The following STXBP5L variants were observed in gnomAD, a reference collection of about 807,000 sequenced individuals.
The protein encoded by STXBP5L is syntaxin-binding protein 5-like.
A neutral mutation model predicts 144.5 loss-of-function variants in STXBP5L; 65 were observed. The ratio of observed to expected loss-of-function variants is 0.45; its 90% CI spans 0.37 to 0.55. The LOEUF (loss-of-function observed/expected upper bound fraction) is 0.55. Ranked by LOEUF, STXBP5L falls within the 20% of genes least tolerant of loss-of-function variation. The pLI, the probability that STXBP5L is intolerant of heterozygous loss-of-function variation, is 0.00. For missense variants in STXBP5L, 1,298 were observed against 1,405.5 expected, an observed-to-expected ratio of 0.92 and a Z score of 1.22; for synonymous variants, 505 against 469.6, an observed-to-expected ratio of 1.08 and a Z score of -0.97.
At chr3:121,408,931 T>C (rs2047056784) in intron 23 of STXBP5L, among the ~76,000 whole-genome samples, 1 of 151,980 alleles carries the variant, frequency 6.6e-6, no homozygotes, top group South Asian at 2.1e-4. Flanking sequence ...ATAACGGTTA[T>C]GTTATTAGCA....
At chr3:120,982,714 A>C (rs371609479) in intron 3 of STXBP5L, among the ~76,000 whole-genome samples, 2 of 152,136 alleles carry the variant, frequency 1.3e-5, no homozygotes, top group Non-Finnish European at 2.9e-5. Flanking sequence ...ACTTTTTGGC[A>C]TGTGCAAGTG....
intron 15 of STXBP5L, among the ~76,000 whole-genome samples, chr3:121,252,043 C>T (rs1331193451): frequency 1.3e-5 from 2 of 152,080 alleles, no homozygotes; most frequent in Admixed American, 6.6e-5. Flanking sequence ...TTTCCCACCA[C>T]CTCAAAGTCA....
At chr3:121,118,630 T>C (rs1280383914) in intron 6 of STXBP5L, among the ~76,000 whole-genome samples, 1 of 151,666 alleles carries the variant, frequency 6.6e-6, no homozygotes, top group Non-Finnish European at 1.5e-5. Flanking sequence ...ATCTATATTT[T>C]AGGAGTACTA....
At chr3:121,395,746 T>C (rs763952502) in intron 22 of STXBP5L, among the ~76,000 whole-genome samples, 3 of 152,204 alleles carry the variant, frequency 2.0e-5, no homozygotes, top group Non-Finnish European at 4.4e-5. Context: ...ATAGCTACCA[T>C]TAAATTACTC....
chr3:121,157,864 A>G (rs538932280), intron 9 of STXBP5L: 8 of 442,114 alleles, frequency 1.8e-5, no homozygotes, highest in African/African-American at 1.1e-4. Flanking sequence ...TACTGTCCCA[A>G]CCAAAAATTG....
chr3:121,310,695 G>T (rs2043496463), intron 19 of STXBP5L, among the ~76,000 whole-genome samples: 1 of 151,584 alleles, frequency 6.6e-6, no homozygotes, highest in African/African-American at 2.4e-5. Flanking sequence ...GACCACTGGA[G>T]GTCAGGAGTT....
At chr3:120,969,203 A>AT (rs546239807) in intron 3 of STXBP5L, among the ~76,000 whole-genome samples, 742 of 145,810 alleles carry the variant, frequency 5.1e-3, no homozygotes, top group Middle Eastern at 7.1e-3. Context: ...GCCAACATCT[A>AT]TTTTTTTTTT....
At chr3:120,925,907 C>T (rs1269286459) in intron 2 of STXBP5L, among the ~76,000 whole-genome samples, 2 of 152,140 alleles carry the variant, frequency 1.3e-5, no homozygotes, top group Non-Finnish European at 1.5e-5. Context: ...TTAGATCATA[C>T]AAAGAATAGG....
At chr3:120,969,661 T>C (rs1459508442) in intron 3 of STXBP5L, among the ~76,000 whole-genome samples, 1 of 152,060 alleles carries the variant, frequency 6.6e-6, no homozygotes, top group East Asian at 1.9e-4. Flanking sequence ...TCTTGTAGAA[T>C]TTTTATCGTT....
Position 121,121,650 on chromosome 3 carries a change from G to A in STXBP5L, c.615G>A (p.Lys205=), listed in dbSNP as rs769827608. Residue 205 remains lysine, a synonymous_variant, in exon 7 of 27, where the codon AAG becomes AAA. Coordinates refer to ENST00000471454, the MANE Select transcript of STXBP5L (RefSeq NM_001308330.2). ...MWNKAIELST[K]THPGPVVHLS... is the part of the protein sequence containing the mutation. Reference sequence around the variant, plus strand: ...TGAATTGATTTAACAGATCCACTAAGACTCATCCAGGTCCAGTTGTACATT... The same window carrying A: ...TGAATTGATTTAACAGATCCACTAAAACTCATCCAGGTCCAGTTGTACATT... The A allele has an allele frequency of 5.6e-6, 9 of 1,604,126 alleles. No individual in the cohort carries two copies. Among genetic ancestry groups the A allele is most frequent in the Non-Finnish European group, 7.7e-6 (9 of 1,172,988 alleles).
At chr3:121,047,985 C>G (rs1947641944) in intron 5 of STXBP5L, among the ~76,000 whole-genome samples, 1 of 152,068 alleles carries the variant, frequency 6.6e-6, no homozygotes, top group Non-Finnish European at 1.5e-5. Context: ...TAGCTTATAA[C>G]AGTCTTTGCT....
intron 18 of STXBP5L, among the ~76,000 whole-genome samples, chr3:121,265,633 GA>G: frequency 6.6e-6 from 1 of 152,242 alleles, no homozygotes; most frequent in South Asian, 2.1e-4. Context: ...GAGCAGAACT[GA>G]AGGTGATAGA....
chr3:121,089,346 G>A (rs934377630), intron 5 of STXBP5L, among the ~76,000 whole-genome samples: 2 of 151,406 alleles, frequency 1.3e-5, no homozygotes, highest in African/African-American at 4.9e-5. Flanking sequence ...CTTCATACCT[G>A]AGGGATAATT....
intron 20 of STXBP5L, among the ~76,000 whole-genome samples, chr3:121,365,021 G>A (rs919963314): frequency 6.6e-6 from 1 of 151,542 alleles, no homozygotes; most frequent in Non-Finnish European, 1.5e-5. Context: ...AGTCTGCTTG[G>A]TATATTTATT....
chr3:121,268,933 A>G (rs1432133246), intron 18 of STXBP5L, among the ~76,000 whole-genome samples: 1 of 152,172 alleles, frequency 6.6e-6, no homozygotes, highest in African/African-American at 2.4e-5. Flanking sequence ...ATCATTTAGT[A>G]GTATGCCTGT....
intron 9 of STXBP5L, among the ~76,000 whole-genome samples, chr3:121,204,693 C>T (rs997095875): frequency 2.1e-5 from 3 of 144,910 alleles, no homozygotes; most frequent in Non-Finnish European, 1.6e-5. Context: ...AGATAAACAA[C>T]TGTGGTAATA....
At chr3:121,176,637 A>G (rs1462291691) in intron 9 of STXBP5L, among the ~76,000 whole-genome samples, 3 of 151,882 alleles carry the variant, frequency 2.0e-5, no homozygotes, top group Non-Finnish European at 4.4e-5. Flanking sequence ...AGGAAATATG[A>G]AATAAAAATC....
intron 26 of STXBP5L, 76 bp from the exon 27 acceptor site, chr3:121,418,980 A>T: frequency 6.9e-7 from 1 of 1,450,158 alleles, no homozygotes; most frequent in South Asian, 1.3e-5. Flanking sequence ...TTGCATGATT[A>T]GCTCAAAATG....
At chr3:121,223,426 A>G (rs1430351743) in intron 11 of STXBP5L, among the ~76,000 whole-genome samples, 1 of 152,132 alleles carries the variant, frequency 6.6e-6, no homozygotes, top group African/African-American at 2.4e-5. Context: ...AGGGTCTGAT[A>G]AGGGTCCAGG....
Sources: gnomAD v4.1 joint callset for allele counts (sites outside exome capture counted in the v4.1 genomes callset) on GRCh38, gnomAD v4.1.1 for gene constraint, MANE v1.5 for transcripts, NCBI Gene and HGNC (gene_info 2026-07-23, HGNC 2026-07-21) for gene names.